The following ATP8A2 variants were observed in gnomAD, a reference collection of about 807,000 sequenced individuals.
The protein encoded by ATP8A2 is phospholipid-transporting ATPase IB.
In ATP8A2, 100 loss-of-function variants were observed where a neutral mutation model predicts 165.6. The observed-to-expected ratio is 0.60, with a 90% CI of 0.51 to 0.71. The LOEUF (loss-of-function observed/expected upper bound fraction) is 0.71. ATP8A2 is among the 30% of genes least tolerant of loss of function. The probability of loss-of-function intolerance (pLI) is 0.00; values close to 1 mark genes in which losing one functional copy is unlikely to be tolerated. For synonymous variants in ATP8A2, 543 were observed against 548.8 expected (o/e 0.99, Z 0.15); for missense variants, 1,227 against 1,479.5 (o/e 0.83, Z 2.80).
chr13:25,731,375 AAG>A (rs200776211), intron 25 of ATP8A2, among the ~76,000 whole-genome samples: 1,453 of 142,412 alleles, frequency 0.01, 22 homozygotes, highest in Middle Eastern at 0.031. Flanking sequence ...GGAAGGAAGG[AAG>A]AGGGAGGAAG....
chr13:25,629,259 C>T (rs2041178180), intron 24 of ATP8A2, among the ~76,000 whole-genome samples: 2 of 151,882 alleles, frequency 1.3e-5, no homozygotes, highest in African/African-American at 4.8e-5. Context: ...TAATTTGGCT[C>T]AATAAAAAAA....
At chr13:25,744,328 C>CCCCCCCCG (rs1294422067) in intron 25 of ATP8A2, among the ~76,000 whole-genome samples, 3 of 151,966 alleles carry the variant, frequency 2.0e-5, no homozygotes, top group African/African-American at 7.3e-5. Context: ...ACTCACCACC[C>CCCCCCCCG]CCCCGTGTGT....
At chr13:25,502,919 T>G (rs1417305221) in intron 2 of ATP8A2, among the ~76,000 whole-genome samples, 1 of 152,178 alleles carries the variant, frequency 6.6e-6, no homozygotes, top group Admixed American at 6.5e-5. Flanking sequence ...TTAAGAGGCA[T>G]TGTCAAACCT....
rs2038824106 is a variant in ATP8A2 at position 25,551,515 on chromosome 13, G to C, written c.1057+12G>C. ...CATCAAGAAGATGGGTAAGTGTCGG[G>C]GTGGGTTGCTTGTTCCAGTGGAAGA... On this transcript the variant is annotated intron_variant, in intron 11 of 36. Transcript: ENST00000381655. 1.9e-6 allele frequency: 3 copies of C among 1,587,730 alleles called. No individual in the cohort carries two copies. Among genetic ancestry groups the C allele is most frequent in the South Asian group, 2.2e-5 (2 of 89,086 alleles).
intron 24 of ATP8A2, among the ~76,000 whole-genome samples, chr13:25,675,336 A>C (rs981173635): frequency 7.2e-5 from 11 of 152,174 alleles, no homozygotes; most frequent in African/African-American, 2.4e-4. Context: ...AATGTCTAGC[A>C]TTCTTCCTTT....
intron 1 of ATP8A2, among the ~76,000 whole-genome samples, chr13:25,390,488 A>G (rs779263079): frequency 2.1e-4 from 32 of 151,890 alleles, no homozygotes; most frequent in Non-Finnish European, 3.2e-4. Flanking sequence ...GTCCCTTTGT[A>G]CTCAGTTTCC....
At chr13:25,690,971 A>G (rs1209647782) in intron 24 of ATP8A2, among the ~76,000 whole-genome samples, 1 of 152,224 alleles carries the variant, frequency 6.6e-6, no homozygotes, top group African/African-American at 2.4e-5. Flanking sequence ...GTGAACACCT[A>G]AACAAATTGT....
At chr13:25,444,748 C>A (rs1241374343) in intron 1 of ATP8A2, among the ~76,000 whole-genome samples, 1 of 151,914 alleles carries the variant, frequency 6.6e-6, no homozygotes, top group Non-Finnish European at 1.5e-5. Flanking sequence ...TGGGTTCAAG[C>A]AATTCTCCTG....
intron 24 of ATP8A2, among the ~76,000 whole-genome samples, chr13:25,596,486 A>G (rs531200497): frequency 6.6e-6 from 1 of 152,154 alleles, no homozygotes; most frequent in Non-Finnish European, 1.5e-5. Flanking sequence ...TTTCTAACAC[A>G]ATGGATTAAT....
chr13:25,697,739 A>T (rs1190635088), intron 24 of ATP8A2, among the ~76,000 whole-genome samples: 1 of 152,226 alleles, frequency 6.6e-6, no homozygotes, highest in Non-Finnish European at 1.5e-5. Context: ...CTTTTTACAC[A>T]TAAGAAAATG....
At chr13:25,456,333 A>C (rs2035362979) in intron 1 of ATP8A2, among the ~76,000 whole-genome samples, 1 of 152,242 alleles carries the variant, frequency 6.6e-6, no homozygotes, top group Non-Finnish European at 1.5e-5. Flanking sequence ...AGTAGGGCAC[A>C]GTCCACACTT....
At chr13:25,449,529 C>T (rs2035156586) in intron 1 of ATP8A2, among the ~76,000 whole-genome samples, 1 of 152,192 alleles carries the variant, frequency 6.6e-6, no homozygotes, top group Admixed American at 6.5e-5. Context: ...TGCATCTTCA[C>T]TTGTGGGATG....
At chr13:25,869,142 G>C (rs1008470147) in intron 33 of ATP8A2, among the ~76,000 whole-genome samples, 2 of 151,328 alleles carry the variant, frequency 1.3e-5, no homozygotes, top group African/African-American at 4.9e-5. Context: ...GTTGAGCAGT[G>C]CTAGCTAAGT....
At chr13:25,796,396 T>C (rs566896408) in intron 27 of ATP8A2, among the ~76,000 whole-genome samples, 29 of 152,330 alleles carry the variant, frequency 1.9e-4, no homozygotes, top group South Asian at 6.2e-4. Flanking sequence ...CAGGTGTGTG[T>C]TGTTTATTAC....
In ATP8A2 at chr13:25,471,597, C is replaced by T. The variant is rs181418987; in HGVS notation, c.221+2476C>T. 3.2e-3 allele frequency among the ~76,000 whole-genome samples: 487 copies of T among 152,318 alleles called. 6 individuals are homozygous for T. The highest frequency in any genetic ancestry group is 4.2e-3 in the Non-Finnish European group (283 of 68,018). On this transcript the variant is annotated intron_variant, in intron 2 of 36. Coordinates refer to ENST00000381655, the MANE Select transcript of ATP8A2 (RefSeq NM_016529.6). ...ACCTCAGAGGATCCACCTGCCTCAG[C>T]CTCCCAAAGTGCTGGAATTACAGGT...
At chr13:25,527,904 C>G (rs780948846) in intron 2 of ATP8A2, among the ~76,000 whole-genome samples, 1 of 152,188 alleles carries the variant, frequency 6.6e-6, no homozygotes, top group Admixed American at 6.5e-5. Context: ...ATGTTATAAT[C>G]AAGCTATCTT....
chr13:25,834,310 A>G (rs1291365489), intron 28 of ATP8A2, among the ~76,000 whole-genome samples: 1 of 152,212 alleles, frequency 6.6e-6, no homozygotes, highest in Non-Finnish European at 1.5e-5. Context: ...TTCTTTTGCA[A>G]TGGGAGAGGA....
chr13:25,685,857 G>A lies in ATP8A2; in HGVS notation c.2212-13316G>A, dbSNP rs777374882. On this transcript the variant is annotated intron_variant, in intron 24 of 36. Coordinates refer to ENST00000381655, the MANE Select transcript of ATP8A2 (RefSeq NM_016529.6). The stretch of plus-strand genomic sequence containing the variant: ...CATGGTAACAGGGTTTCTCTGCTGG[G>A]TGGAGGCCCAGGGACAGTTCAGGAG... 2.6e-4 allele frequency among the ~76,000 whole-genome samples: 40 copies of A among 152,166 alleles called. 1 individual carries two copies. Among genetic ancestry groups the A allele is most frequent in the Admixed American group, 5.2e-4 (8 of 15,288 alleles).
intron 25 of ATP8A2, among the ~76,000 whole-genome samples, chr13:25,714,731 T>C (rs1026994479): frequency 6.6e-6 from 1 of 152,216 alleles, no homozygotes; most frequent in Non-Finnish European, 1.5e-5. Context: ...ACAGTGGTGA[T>C]TGTAACTATG....
Sources: allele counts gnomAD v4.1 joint callset (sites outside exome capture counted in the v4.1 genomes callset), GRCh38; gene constraint gnomAD v4.1.1; transcripts MANE v1.5; gene names NCBI Gene and HGNC (gene_info 2026-07-23, HGNC 2026-07-21).